The following ZNF224 variants were observed in gnomAD, a reference collection of about 807,000 sequenced individuals.
ZNF224 encodes the protein zinc finger protein 224.
A neutral mutation model predicts 10.5 loss-of-function variants in ZNF224; 8 were observed. The observed-to-expected ratio is 0.76, with a 90% CI of 0.45 to 1.37. The LOEUF is 1.37. Ranked by LOEUF, ZNF224 falls within the 40% of genes most tolerant of loss-of-function variation. ZNF224 has a pLI of 0.00. For missense variants in ZNF224, 754 were observed against 854.0 expected (o/e 0.88, Z 1.46); for synonymous variants, 282 against 287.8 (o/e 0.98, Z 0.20).
At chr19:44,102,321 T>A (rs2147527955) in intron 5 of ZNF224, among the ~76,000 whole-genome samples, 1 of 152,354 alleles carries the variant, frequency 6.6e-6, no homozygotes, top group Non-Finnish European at 1.5e-5. Flanking sequence ...TTGTACCAAG[T>A]CTCACATACT....
rs769949207 is a variant in ZNF224 at position 44,107,533 on chromosome 19, G to A, written c.1373G>A (p.Cys458Tyr). 1 of 1,611,814 alleles carries A rather than the reference G, an allele frequency of 6.2e-7. No individual in the cohort carries two copies. The highest frequency in any genetic ancestry group is 8.5e-7 in the Non-Finnish European group (1 of 1,179,110). Residue 458 changes from cysteine (C) to tyrosine (Y), a missense_variant, in exon 6 of 6, where the codon TGT (cysteine) becomes TAT (tyrosine). Transcript: ENST00000693561. ...CATACAGGAGAGAAACTGTATAATT[G>A]TAAGGAATGTGGGAAGAGCTTTAGT... ...RVHTGEKLYN[C>Y]KECGKSFSRA... is the part of the protein sequence containing the mutation.
chr19:44,104,953 C>T (rs926755169), intron 5 of ZNF224, among the ~76,000 whole-genome samples: 1 of 152,234 alleles, frequency 6.6e-6, no homozygotes, highest in African/African-American at 2.4e-5. Context: ...TGAGCCACCG[C>T]GCCCAGCCGA....
Position 44,108,521 on chromosome 19 carries a change from G to A in ZNF224, c.*237G>A. On this transcript the variant is annotated 3_prime_UTR_variant, in exon 6 of 6. Coordinates refer to ENST00000693561, the MANE Select transcript of ZNF224 (RefSeq NM_001321645.3). ...GCTCAGCATGCCCCAGTAGTCTCAG[G>A]ACCACCATAATGGAGAATCCTTGTA... The A allele has an allele frequency of 1.9e-6, 1 of 532,992 alleles. No homozygotes were observed. The highest frequency in any genetic ancestry group is 1.9e-5 in the African/African-American group (1 of 52,680). The allele number at this position is 532,992 out of a possible 1,614,324, so 33.0% of individuals were successfully genotyped here.
chr19:44,108,331 G>A lies in ZNF224; in HGVS notation c.*47G>A, dbSNP rs922489012. The stretch of plus-strand genomic sequence containing the variant: ...TCTTCACTCAGTCTTCATGAATGCA[G>A]TCTCATCTGAAAGTTCACAAAGGAG... On this transcript the variant is annotated 3_prime_UTR_variant, in exon 6 of 6. Transcript: ENST00000693561. 5.9e-6 allele frequency: 9 copies of A among 1,536,952 alleles called. No homozygotes were observed. Among genetic ancestry groups the A allele is most frequent in the Non-Finnish European group, 7.9e-6 (9 of 1,142,660 alleles).
chr19:44,102,902 A>G (rs768634433), intron 5 of ZNF224, among the ~76,000 whole-genome samples: 1 of 152,104 alleles, frequency 6.6e-6, no homozygotes, highest in Non-Finnish European at 1.5e-5. Flanking sequence ...TCTGCAGCCC[A>G]TTTGCCTTTC....
chr19:44,102,968 G>C (rs1203492885), intron 5 of ZNF224, among the ~76,000 whole-genome samples: 1 of 152,194 alleles, frequency 6.6e-6, no homozygotes, highest in Non-Finnish European at 1.5e-5. Context: ...GGGTGGGGAA[G>C]AATGAGGAAG....
In ZNF224 at chr19:44,108,319, T is replaced by C. The variant is rs764802854; in HGVS notation, c.*35T>C. ...GGTGCAATAAAGTCTTCACTCAGTCTTCATGAATGCAGTCTCATCTGAAAG... is the reference window on the plus strand; with the variant it reads ...GGTGCAATAAAGTCTTCACTCAGTCCTCATGAATGCAGTCTCATCTGAAAG... On this transcript the variant is annotated 3_prime_UTR_variant, in exon 6 of 6. Transcript: ENST00000693561. 1 of 1,562,278 alleles carries C rather than the reference T, an allele frequency of 6.4e-7. No individual in the cohort carries two copies. The highest frequency in any genetic ancestry group is 8.7e-7 in the Non-Finnish European group (1 of 1,155,102).
At chr19:44,101,633 G>A (rs1000612327) in intron 5 of ZNF224, among the ~76,000 whole-genome samples, 1 of 152,092 alleles carries the variant, frequency 6.6e-6, no homozygotes, top group African/African-American at 2.4e-5. Context: ...GTCCTCCCAA[G>A]GGCACTGTGT....
chr19:44,102,614 T>C (rs1449561471), intron 5 of ZNF224, among the ~76,000 whole-genome samples: 1 of 152,208 alleles, frequency 6.6e-6, no homozygotes, highest in Non-Finnish European at 1.5e-5. Flanking sequence ...TTAGATTCCG[T>C]TATTTGATTG....
intron 5 of ZNF224, 57 bp from the exon 6 acceptor site, chr19:44,106,339 G>C: frequency 1.3e-6 from 2 of 1,578,408 alleles, no homozygotes; most frequent in South Asian, 2.2e-5. Context: ...GTGAAATCTT[G>C]ATAACACTGA....
Position 44,107,188 on chromosome 19 carries a change from C to G in ZNF224, c.1028C>G (p.Pro343Arg). The change falls in exon 6 of 6, where the codon CCA (proline) becomes CGA (arginine). Residue 343 changes from proline to arginine, a missense_variant. Pro to Arg is a moderately radical substitution (Grantham distance 103). Transcript: ENST00000693561. ...CGCATGATCCACACAGGAGAGAAACCATACAAATGTGAGGAGTGTGGAAAA... is the reference window on the plus strand; with the variant it reads ...CGCATGATCCACACAGGAGAGAAACGATACAAATGTGAGGAGTGTGGAAAA... ...SHRMIHTGEK[P>R]YKCEECGKGF... The G allele has an allele frequency of 6.2e-7, 1 of 1,605,990 alleles. No individual in the cohort carries two copies. Among genetic ancestry groups the G allele is most frequent in the South Asian group, 1.1e-5 (1 of 89,824 alleles).
intron 2 of ZNF224, 46 bp from the exon 3 acceptor site, chr19:44,097,760 G>A: frequency 8.3e-7 from 1 of 1,207,006 alleles, no homozygotes. Context: ...GGCATCCCTG[G>A]CCACCTTTTC....
intron 2 of ZNF224, among the ~76,000 whole-genome samples, chr19:44,096,823 T>C (rs1702362242): frequency 6.6e-6 from 1 of 152,244 alleles, no homozygotes; most frequent in Non-Finnish European, 1.5e-5. Flanking sequence ...GCAAGTTATT[T>C]TGGAGAAAGG....
rs1967473554 is a variant in ZNF224 at position 44,097,906 on chromosome 19, C to T, written c.15+18C>T. ...CGTTCAAGGTGGGTAGGACTTGCTTCTATTACTCTTAAAATTCCCTCTCAG... is the reference window on the plus strand; with the variant it reads ...CGTTCAAGGTGGGTAGGACTTGCTTTTATTACTCTTAAAATTCCCTCTCAG... On this transcript the variant is annotated intron_variant, in intron 3 of 5. Coordinates refer to ENST00000693561, the MANE Select transcript of ZNF224 (RefSeq NM_001321645.3). The T allele has an allele frequency of 6.2e-7, 1 of 1,613,624 alleles. No homozygotes were observed.
chr19:44,106,474 A>G lies in ZNF224; in HGVS notation c.314A>G (p.Glu105Gly). 1.9e-6 allele frequency: 3 copies of G among 1,614,198 alleles called. No individual in the cohort carries two copies. The highest frequency in any genetic ancestry group is 1.3e-5 in the African/African-American group (1 of 75,068). Residue 105 changes from glutamate to glycine, a missense_variant, in exon 6 of 6, where the codon GAA becomes GGA. Glu to Gly is a moderately conservative substitution (Grantham distance 98). Transcript: ENST00000693561. ...HQEWSFQQIW[E>G]KIASDLTRSQ... ...GAGTGGTCCTTCCAGCAAATCTGGG[A>G]AAAAATTGCAAGTGATTTAACCAGG...
At position 44,108,817 on chromosome 19, in the gene ZNF224, C is replaced by A; in HGVS notation, c.*533C>A. ...TGGATTTGGATACAATTTTGTGTAT[C>A]CAAAAAGGGAAGCCTGCAAAAAATA... On this transcript the variant is annotated 3_prime_UTR_variant, in exon 6 of 6. Coordinates refer to ENST00000693561, the MANE Select transcript of ZNF224 (RefSeq NM_001321645.3). 1 of 445,764 alleles carries A rather than the reference C, an allele frequency of 2.2e-6. No homozygotes were observed. The allele number at this position is 445,764 out of a possible 1,614,324, so 27.6% of individuals were successfully genotyped here. A position where few individuals can be genotyped will look rare whatever the true frequency, so the allele number is the denominator to read the frequency against.
At position 44,106,777 on chromosome 19, in the gene ZNF224, G is replaced by T; in HGVS notation, c.617G>T (p.Cys206Phe). 1 of 1,613,818 alleles carries T rather than the reference G, an allele frequency of 6.2e-7. No individual in the cohort carries two copies. The highest frequency in any genetic ancestry group is 1.1e-5 in the South Asian group (1 of 91,080). ...RVHMGEKCYK[C>F]DVCGKEFSQS... is the part of the protein sequence containing the mutation. The stretch of plus-strand genomic sequence containing the variant: ...CACATGGGAGAGAAATGCTATAAGT[G>T]TGACGTGTGTGGTAAGGAATTCAGT... The change falls in exon 6 of 6, where the codon TGT (cysteine) becomes TTT (phenylalanine). Residue 206 changes from cysteine (C) to phenylalanine (F), a missense_variant. Cys to Phe is a radical substitution (Grantham distance 205). Coordinates refer to ENST00000693561, the MANE Select transcript of ZNF224 (RefSeq NM_001321645.3).
rs142062155 is a variant in ZNF224, at chr19:44,106,939, A to G, written c.779A>G (p.Tyr260Cys). 145 of 1,609,892 alleles carry G rather than the reference A, an allele frequency of 9.0e-5. No individual in the cohort carries two copies. The highest frequency in any genetic ancestry group is 1.7e-4 in the Middle Eastern group (1 of 6,038). Reference sequence around the variant, plus strand: ...AAATTACACACAGGAGAGAAACCTTATAATTGTGAGGAATGCGGGAAGGCC... The same window carrying G: ...AAATTACACACAGGAGAGAAACCTTGTAATTGTGAGGAATGCGGGAAGGCC... Reference protein sequence around the residue: ...HHKLHTGEKPYNCEECGKAFI... With the variant: ...HHKLHTGEKPCNCEECGKAFI... Residue 260 changes from tyrosine to cysteine, a missense_variant, in exon 6 of 6, where the codon TAT becomes TGT. Coordinates refer to ENST00000693561, the MANE Select transcript of ZNF224 (RefSeq NM_001321645.3).
At position 44,109,464 on chromosome 19, in the gene ZNF224, T is replaced by C. The variant is rs376557796; in HGVS notation, c.*1180T>C. ...GTAATTTCATCAAATATATTCATTA[T>C]TGGGGGCAGGAGTAACATTTAAATC... On this transcript the variant is annotated 3_prime_UTR_variant, in exon 6 of 6. Transcript: ENST00000693561. 20 of 152,320 alleles carry C rather than the reference T, an allele frequency of 1.3e-4. No homozygotes were observed. The East Asian group carries it at 3.5e-3, about 26-fold the overall frequency. 9.4% of individuals were successfully genotyped at this position (152,320 alleles called of 1,614,324 possible).
Sources: gnomAD v4.1 joint callset for allele counts (sites outside exome capture counted in the v4.1 genomes callset) on GRCh38, gnomAD v4.1.1 for gene constraint, MANE v1.5 for transcripts, NCBI Gene and HGNC (gene_info 2026-07-23, HGNC 2026-07-21) for gene names.